DISC1: variants seen among roughly 807,000 people sequenced by gnomAD.
DISC1 encodes DISC1 scaffold protein, also known as disrupted in schizophrenia 1 protein.
In DISC1, 57 loss-of-function variants were observed where a neutral mutation model predicts 84.5. The ratio of observed to expected loss-of-function variants is 0.67; its 90% confidence interval spans 0.55 to 0.84. DISC1 has a LOEUF of 0.84. Ranked by LOEUF, DISC1 falls within the 40% of genes least tolerant of loss-of-function variation. The pLI is 0.00. For missense variants in DISC1, 1,000 were observed against 1,057.8 expected, an observed-to-expected ratio of 0.95 and a Z score of 0.76; for synonymous variants, 411 against 415.2, an observed-to-expected ratio of 0.99 and a Z score of 0.12.
At chr1:231,798,113 C>CCACACACACACACACA (rs113265676) in intron 7 of DISC1, among the ~76,000 whole-genome samples, 16,851 of 146,956 alleles carry the variant, frequency 0.11, 1,153 homozygotes, top group Admixed American at 0.2. Flanking sequence ...GTTAGACACA[C>CCACACACACACACACA]CACACACACA....
chr1:231,672,971 T>A (rs1237092410), intron 1 of DISC1, among the ~76,000 whole-genome samples: 1 of 152,184 alleles, frequency 6.6e-6, no homozygotes, highest in Non-Finnish European at 1.5e-5. Flanking sequence ...ACTAGTTTGG[T>A]GCAGAAGCTC....
intron 3 of DISC1, chr1:231,723,643 C>G: frequency 1.0e-6 from 1 of 985,426 alleles, no homozygotes; most frequent in Non-Finnish European, 1.2e-6. Flanking sequence ...TGATTTTTGT[C>G]TCATCAATTG....
At chr1:231,922,526 T>C (rs764489943) in intron 9 of DISC1, among the ~76,000 whole-genome samples, 10 of 152,262 alleles carry the variant, frequency 6.6e-5, no homozygotes, top group East Asian at 1.9e-4. Context: ...GGGCTTGGCA[T>C]TGGGACATCC....
At chr1:231,819,812 T>A (rs550539664) in intron 9 of DISC1, among the ~76,000 whole-genome samples, 1 of 152,188 alleles carries the variant, frequency 6.6e-6, no homozygotes, top group Non-Finnish European at 1.5e-5. Flanking sequence ...CACCACATAG[T>A]TTTTTGTCAT....
chr1:231,914,073 G>A (rs2089447625), intron 9 of DISC1, among the ~76,000 whole-genome samples: 1 of 152,180 alleles, frequency 6.6e-6, no homozygotes, highest in African/African-American at 2.4e-5. Context: ...CTGGCATGGC[G>A]AGTCCCTGAG....
chr1:231,652,264 T>C (rs939877002), intron 1 of DISC1, among the ~76,000 whole-genome samples: 2 of 152,222 alleles, frequency 1.3e-5, no homozygotes, highest in African/African-American at 4.8e-5. Flanking sequence ...TGAGAATAAC[T>C]GTGAAATGTG....
intron 9 of DISC1, among the ~76,000 whole-genome samples, chr1:231,892,404 A>T (rs1463353668): frequency 6.6e-6 from 1 of 152,186 alleles, no homozygotes; most frequent in African/African-American, 2.4e-5. Context: ...TAGTGCCTTC[A>T]TGGCTCCCTC....
chr1:231,695,983 G>T (rs1035338340), intron 2 of DISC1, among the ~76,000 whole-genome samples: 1 of 152,180 alleles, frequency 6.6e-6, no homozygotes. Flanking sequence ...TGGGTGATGT[G>T]TGGAGTCTTC....
chr1:231,753,373 T>C (rs1396065658), intron 4 of DISC1, among the ~76,000 whole-genome samples: 1 of 152,252 alleles, frequency 6.6e-6, no homozygotes, highest in Non-Finnish European at 1.5e-5. Flanking sequence ...CCAAGGCTTA[T>C]GGCTTGCACC....
chr1:231,630,698 T>C lies in DISC1; in HGVS notation c.67+3764T>C, dbSNP rs1434502039. Among the ~76,000 whole-genome samples the C allele has an allele frequency of 1.3e-5, 2 of 152,172 alleles. No individual in the cohort carries two copies. The highest frequency in any genetic ancestry group is 4.8e-5 in the African/African-American group (2 of 41,432). ...TGTTAGTTCCTAACTTTAATGACTT[T>C]GTGGTAAAAATTCCTTAGCGAATGA... On this transcript the variant is annotated intron_variant, in intron 1 of 12. Transcript: ENST00000439617. This position sits in a 1 kb window ranked among gnomAD's most constrained non-coding sequence, Gnocchi z 4.4.
Position 231,942,067 on chromosome 1 carries a change from A to G in DISC1, c.1982-16761A>G, listed in dbSNP as rs187195067. Among the ~76,000 whole-genome samples, 237 of 152,242 alleles carry G rather than the reference A, an allele frequency of 1.6e-3. 1 individual carries two copies. Among genetic ancestry groups the G allele is most frequent in the African/African-American group, 5.0e-3 (207 of 41,556 alleles). ...TGATCTGGGGGCCGGGGGACGAGGTAACCAGGGGATGAGGGAAAGAGGGAA... is the reference window on the plus strand; with the variant it reads ...TGATCTGGGGGCCGGGGGACGAGGTGACCAGGGGATGAGGGAAAGAGGGAA... On this transcript the variant is annotated intron_variant, in intron 9 of 12. Coordinates refer to ENST00000439617, the MANE Select transcript of DISC1 (RefSeq NM_018662.3).
chr1:231,817,600 G>A (rs973517437), intron 8 of DISC1, among the ~76,000 whole-genome samples: 4 of 152,092 alleles, frequency 2.6e-5, no homozygotes, highest in Non-Finnish European at 4.4e-5. Flanking sequence ...TAGAGCTCTT[G>A]CACATATTTA....
intron 9 of DISC1, among the ~76,000 whole-genome samples, chr1:231,919,865 T>G (rs1198389875): frequency 6.6e-6 from 1 of 152,224 alleles, no homozygotes; most frequent in African/African-American, 2.4e-5. Flanking sequence ...ACTTGTGTTT[T>G]CCTGTTGACA....
intron 9 of DISC1, among the ~76,000 whole-genome samples, chr1:231,946,898 A>G (rs1335274367): frequency 6.6e-6 from 1 of 152,220 alleles, no homozygotes; most frequent in Admixed American, 6.5e-5. Context: ...ACAACTTACA[A>G]GGGTTGTGAA....
At chr1:231,866,782 A>G in intron 9 of DISC1, 1 of 1,178,466 alleles carries the variant, frequency 8.5e-7, no homozygotes. Context: ...AAAGGGTATA[A>G]TTAATCTGTA....
intron 9 of DISC1, among the ~76,000 whole-genome samples, chr1:231,919,061 GT>G (rs1277758773): frequency 1.3e-5 from 2 of 152,110 alleles, no homozygotes; most frequent in African/African-American, 4.8e-5. Context: ...TCCATCATTT[GT>G]TTTCCCTCAT....
intron 6 of DISC1, among the ~76,000 whole-genome samples, chr1:231,785,832 C>T (rs528202265): frequency 6.6e-6 from 1 of 152,290 alleles, no homozygotes; most frequent in African/African-American, 2.4e-5. Flanking sequence ...GGAACTTCAG[C>T]ATAAAGCCTC....
chr1:231,828,464 C>T (rs746783782), intron 9 of DISC1, among the ~76,000 whole-genome samples: 21 of 152,146 alleles, frequency 1.4e-4, no homozygotes, highest in Non-Finnish European at 8.8e-5. Flanking sequence ...GACATTCCCC[C>T]GTGGTCTGGA....
At chr1:231,670,253 T>G (rs542635814) in intron 1 of DISC1, among the ~76,000 whole-genome samples, 1 of 152,280 alleles carries the variant, frequency 6.6e-6, no homozygotes, top group South Asian at 2.1e-4. Flanking sequence ...GAAAAATAAC[T>G]AATGGGTACT....
Sources: allele counts gnomAD v4.1 joint callset (sites outside exome capture counted in the v4.1 genomes callset), GRCh38; gene constraint gnomAD v4.1.1; non-coding constraint Gnocchi (gnomAD v3.1); transcripts MANE v1.5; gene names NCBI Gene and HGNC (gene_info 2026-07-23, HGNC 2026-07-21).